Variants in PDZD2 observed in about 807,000 individuals in gnomAD.
PDZD2 encodes PDZ domain-containing protein 2.
Under a neutral mutation model 220.7 loss-of-function variants are expected in PDZD2, and 90 were observed. The ratio of observed to expected loss-of-function variants is 0.41; its 90% CI spans 0.34 to 0.49. The LOEUF is 0.49. Among genes scored for constraint, PDZD2 ranks in the 20% least tolerant of loss-of-function variants. The pLI is 0.28. For missense variants in PDZD2, 3,174 were observed against 3,608.5 expected (o/e 0.88, Z 3.08); for synonymous variants, 1,375 against 1,450.5 (o/e 0.95, Z 1.18).
chr5:31,983,702 GTGTT>G lies in PDZD2; in HGVS notation c.978+56_978+59del, dbSNP rs150329713. 1.3e-3 allele frequency: 1,999 copies of G among 1,561,146 alleles called. 19 individuals are homozygous for G. The African/African-American group carries it at 0.023, about 18-fold the overall frequency. ...GGAACCAGAATTTTATTTATCGTGT[GTGTT>G]TGTTTGTTTTTGCAGCCCAGCCCAT... On this transcript the variant is annotated intron_variant, in intron 3 of 24. Transcript: ENST00000438447.
rs141456726 is a variant in PDZD2, at chr5:31,928,156, C to T, written c.477-54999C>T. On this transcript the variant is annotated intron_variant, in intron 2 of 24. Transcript: ENST00000438447. ...GCAAATCAGACAGCCAAGGAGAGTG[C>T]TTGAGTATTTCACAAAGTCTTCAAA... is the stretch of plus-strand genomic sequence containing the variant. Among the ~76,000 whole-genome samples, 448 of 152,300 alleles carry T rather than the reference C, an allele frequency of 2.9e-3. 1 individual carries two copies. The highest frequency in any genetic ancestry group is 0.01 in the African/African-American group (431 of 41,558).
intron 20 of PDZD2, among the ~76,000 whole-genome samples, chr5:32,092,044 C>T (rs157498): frequency 7.2e-5 from 11 of 151,982 alleles, no homozygotes; most frequent in African/African-American, 2.2e-4. Context: ...GAGGCTGAGC[C>T]GGGCAGATCA....
At chr5:31,868,874 C>A (rs1043347441) in intron 2 of PDZD2, among the ~76,000 whole-genome samples, 1 of 152,142 alleles carries the variant, frequency 6.6e-6, no homozygotes, top group Non-Finnish European at 1.5e-5. Flanking sequence ...CGGGTTCAAG[C>A]AGATTTTCCT....
chr5:32,056,686 T>C (rs1739115663), intron 10 of PDZD2, among the ~76,000 whole-genome samples: 1 of 152,198 alleles, frequency 6.6e-6, no homozygotes. Flanking sequence ...TGTGCGAGCA[T>C]ATTCCTGCAC....
intron 2 of PDZD2, among the ~76,000 whole-genome samples, chr5:31,918,409 G>C (rs1453302019): frequency 6.6e-6 from 1 of 152,210 alleles, no homozygotes; most frequent in Non-Finnish European, 1.5e-5. Context: ...TCCTGGGATT[G>C]AAAAGTGAAG....
At chr5:31,647,253 T>G (rs995383059) in intron 1 of PDZD2, among the ~76,000 whole-genome samples, 1 of 152,220 alleles carries the variant, frequency 6.6e-6, no homozygotes, top group Non-Finnish European at 1.5e-5. Context: ...GAATGTTCAC[T>G]ATTTGGCAGG....
chr5:32,090,014 G>T lies in PDZD2; in HGVS notation c.6566G>T (p.Ser2189Ile), dbSNP rs775470093. The change falls in exon 20 of 25, where the codon AGC (serine) becomes ATC (isoleucine). Residue 2189 changes from serine (S) to isoleucine (I), a missense_variant. By Grantham distance (142) the Ser-to-Ile change is moderately radical. This residue lies in a region of PDZD2 where 1,861 missense variants were observed against 2,001.0 expected (regional missense o/e 0.93). Coordinates refer to ENST00000438447, the MANE Select transcript of PDZD2 (RefSeq NM_178140.4). The surrounding 1 kb of genome is among the most constrained non-coding windows in gnomAD (Gnocchi z 4.3). ...RKAEYSQGKS[S>I]LMSDSRGVPR... ...GCAGAATACTCCCAGGGAAAATCAA[G>T]CCTGATGTCAGACTCCCGAGGGGTG... 3 of 1,606,860 alleles carry T rather than the reference G, an allele frequency of 1.9e-6. No homozygotes were observed. Among genetic ancestry groups the T allele is most frequent in the African/African-American group, 2.7e-5 (2 of 74,752 alleles).
intron 2 of PDZD2, among the ~76,000 whole-genome samples, chr5:31,978,362 C>T (rs1031818856): frequency 1.1e-4 from 16 of 152,268 alleles, no homozygotes; most frequent in African/African-American, 3.9e-4. Flanking sequence ...GGAAAAGTTA[C>T]ATAAATCATT....
chr5:31,818,488 C>T (rs1250184627), intron 2 of PDZD2, among the ~76,000 whole-genome samples: 2 of 152,102 alleles, frequency 1.3e-5, no homozygotes, highest in Admixed American at 6.5e-5. Context: ...TAACTTCACC[C>T]TAGTTTCTCC....
At chr5:32,026,235 C>G (rs761307043) in intron 6 of PDZD2, among the ~76,000 whole-genome samples, 1 of 151,544 alleles carries the variant, frequency 6.6e-6, no homozygotes, top group Non-Finnish European at 1.5e-5. Context: ...CTTCTGGGCT[C>G]AAGCTATTCT....
intron 2 of PDZD2, among the ~76,000 whole-genome samples, chr5:31,909,942 C>G (rs1314301905): frequency 3.3e-5 from 5 of 152,124 alleles, no homozygotes; most frequent in Admixed American, 3.3e-4. Context: ...TATAACCCTG[C>G]CACAGTTCCT....
intron 20 of PDZD2, among the ~76,000 whole-genome samples, chr5:32,092,507 G>C (rs550279767): frequency 3.4e-5 from 5 of 148,866 alleles, no homozygotes; most frequent in Non-Finnish European, 7.4e-5. Flanking sequence ...AGGAGGTAGA[G>C]GTTGCAGTGA....
At chr5:32,051,492 T>C (rs944964959) in intron 8 of PDZD2, among the ~76,000 whole-genome samples, 2 of 152,342 alleles carry the variant, frequency 1.3e-5, no homozygotes, top group African/African-American at 2.4e-5. Flanking sequence ...TCTTTTCTCA[T>C]ATTAAACATA....
intron 2 of PDZD2, among the ~76,000 whole-genome samples, chr5:31,924,361 G>T (rs1417210404): frequency 6.6e-6 from 1 of 152,200 alleles, no homozygotes; most frequent in Non-Finnish European, 1.5e-5. Flanking sequence ...CTACTGTGAG[G>T]AGTAGCCCAC....
In PDZD2 at chr5:32,043,470, T is replaced by C. The variant is rs1737617897; in HGVS notation, c.1520-5069T>C. On this transcript the variant is annotated intron_variant, in intron 7 of 24. Transcript: ENST00000438447. ...TATCCGTAAAATGAGGGTTATGTTC[T>C]GTATTTATTTTGCCAATAAACATGA... 1.3e-5 allele frequency among the ~76,000 whole-genome samples: 2 copies of C among 152,264 alleles called. 1 individual carries two copies. The highest frequency in any genetic ancestry group is 4.1e-4 in the South Asian group (2 of 4,830).
chr5:31,914,875 C>T (rs1290867399), intron 2 of PDZD2, among the ~76,000 whole-genome samples: 1 of 152,184 alleles, frequency 6.6e-6, no homozygotes, highest in African/African-American at 2.4e-5. Context: ...GTAATTCTGA[C>T]ATGTGCTCAT....
chr5:31,895,794 A>G (rs1455502322), intron 2 of PDZD2, among the ~76,000 whole-genome samples: 3 of 151,970 alleles, frequency 2.0e-5, no homozygotes, highest in Non-Finnish European at 4.4e-5. Flanking sequence ...CCCCTTCCAA[A>G]AGACAGTGTT....
At chr5:31,869,939 G>C (rs564256670) in intron 2 of PDZD2, among the ~76,000 whole-genome samples, 1 of 152,092 alleles carries the variant, frequency 6.6e-6, no homozygotes, top group Non-Finnish European at 1.5e-5. Flanking sequence ...GAGCCTCTCC[G>C]GCGATACTCT....
chr5:31,662,375 GAC>G (rs1745802759), intron 1 of PDZD2, among the ~76,000 whole-genome samples: 1 of 152,128 alleles, frequency 6.6e-6, no homozygotes, highest in Non-Finnish European at 1.5e-5. Context: ...AAAACGTCCT[GAC>G]ACACAGTTGG....
Sources: gnomAD v4.1 joint callset for allele counts (sites outside exome capture counted in the v4.1 genomes callset) on GRCh38, gnomAD v4.1.1 for gene constraint, gnomAD v4.1.1 regional missense constraint, Gnocchi (gnomAD v3.1) non-coding constraint, MANE v1.5 for transcripts, NCBI Gene and HGNC (gene_info 2026-07-23, HGNC 2026-07-21) for gene names.